The following PDE8B variants were observed in gnomAD, a reference collection of about 807,000 sequenced individuals.
The protein encoded by PDE8B is high affinity cAMP-specific and IBMX-insensitive 3',5'-cyclic phosphodiesterase 8B.
In PDE8B, 26 loss-of-function variants were observed where a neutral mutation model predicts 101.3. That is an observed-to-expected ratio of 0.26 (90% CI 0.19 to 0.36). The LOEUF (loss-of-function observed/expected upper bound fraction) is 0.36, where lower values mean the gene tolerates loss of function less well. Ranked by LOEUF, PDE8B falls within the 10% of genes least tolerant of loss-of-function variation. The probability of loss-of-function intolerance (pLI) is 1.00; values close to 1 mark genes in which losing one functional copy is unlikely to be tolerated. For synonymous variants in PDE8B, 424 were observed against 429.3 expected, an observed-to-expected ratio of 0.99 and a Z score of 0.15; for missense variants, 810 against 1,163.1, an observed-to-expected ratio of 0.70 and a Z score of 4.42.
At chr5:77,116,224 A>AT in the PDE8B span, among the ~76,000 whole-genome samples, 355 of 59,608 alleles carry the variant, frequency 6.0e-3, 11 homozygotes, top group Middle Eastern at 0.02. Context: ...ATATATATAT[A>AT]TTTTTTTTTT....
chr5:77,259,972 G>T (rs575216310), intron 1 of PDE8B, among the ~76,000 whole-genome samples: 6 of 152,118 alleles, frequency 3.9e-5, no homozygotes, highest in Non-Finnish European at 5.9e-5. Flanking sequence ...GACCAGCCTG[G>T]CCAACATGGT....
chr5:77,153,857 G>A, the PDE8B span, among the ~76,000 whole-genome samples: 1 of 152,146 alleles, frequency 6.6e-6, no homozygotes, highest in Non-Finnish European at 1.5e-5. Context: ...TTACAGGCAT[G>A]AGCCACCATG....
intron 1 of PDE8B, among the ~76,000 whole-genome samples, chr5:77,301,834 C>T (rs1402014563): frequency 6.6e-6 from 1 of 152,192 alleles, no homozygotes; most frequent in Non-Finnish European, 1.5e-5. Context: ...TCCTGCACTG[C>T]ATGTACGACA....
chr5:77,265,148 G>A (rs1303732805), intron 1 of PDE8B, among the ~76,000 whole-genome samples: 1 of 152,184 alleles, frequency 6.6e-6, no homozygotes, highest in East Asian at 1.9e-4. Context: ...CATCTGGCTA[G>A]CAGTAGCTCA....
chr5:77,380,729 C>T (rs765279918), intron 10 of PDE8B, among the ~76,000 whole-genome samples: 21 of 152,178 alleles, frequency 1.4e-4, no homozygotes, highest in Non-Finnish European at 2.1e-4. Flanking sequence ...CCTGCCTACA[C>T]AGAACTTATA....
chr5:77,291,366 G>A (rs1170035433), intron 1 of PDE8B: 1 of 1,611,950 alleles, frequency 6.2e-7, no homozygotes, highest in Non-Finnish European at 8.5e-7. Flanking sequence ...AGGTAGCACA[G>A]TGGTCTATGG....
intron 10 of PDE8B, among the ~76,000 whole-genome samples, chr5:77,381,721 A>G (rs1225949812): frequency 6.6e-6 from 1 of 152,164 alleles, no homozygotes; most frequent in Non-Finnish European, 1.5e-5. Flanking sequence ...TTATGTCGCA[A>G]ATGAATTTAA....
chr5:77,287,665 A>C (rs1233896545), intron 1 of PDE8B, among the ~76,000 whole-genome samples: 2 of 151,978 alleles, frequency 1.3e-5, no homozygotes, highest in African/African-American at 4.8e-5. Context: ...GTCTCCCTGC[A>C]CCTTAGTCTG....
At chr5:77,242,006 C>T (rs920451227) in intron 1 of PDE8B, among the ~76,000 whole-genome samples, 2 of 152,184 alleles carry the variant, frequency 1.3e-5, no homozygotes, top group African/African-American at 4.8e-5. Context: ...AAGGTGTATG[C>T]CGATGAGCCT....
At chr5:77,271,521 G>A (rs1355550925) in intron 1 of PDE8B, among the ~76,000 whole-genome samples, 1 of 152,254 alleles carries the variant, frequency 6.6e-6, no homozygotes, top group African/African-American at 2.4e-5. Context: ...GGTAGTGACT[G>A]AAGGTCACTG....
chr5:77,192,615 T>C, the PDE8B span, among the ~76,000 whole-genome samples: 1 of 152,218 alleles, frequency 6.6e-6, no homozygotes, highest in Non-Finnish European at 1.5e-5. Context: ...GGGGCTATTA[T>C]TTTAAAAGCT....
intron 1 of PDE8B, among the ~76,000 whole-genome samples, chr5:77,226,033 A>G (rs1752328162): frequency 6.6e-6 from 1 of 152,178 alleles, no homozygotes; most frequent in South Asian, 2.1e-4. Flanking sequence ...ATAATTGTTT[A>G]AATCAGTTCT....
At chr5:77,193,332 T>C in the PDE8B span, among the ~76,000 whole-genome samples, 1 of 152,218 alleles carries the variant, frequency 6.6e-6, no homozygotes, top group African/African-American at 2.4e-5. Context: ...TTAATATTCA[T>C]GTATGGTGTA....
intron 2 of PDE8B, among the ~76,000 whole-genome samples, chr5:77,319,484 A>G (rs2150183008): frequency 6.6e-6 from 1 of 152,382 alleles, no homozygotes; most frequent in South Asian, 2.1e-4. Flanking sequence ...GAAAGAGGGA[A>G]TGAGCTAACA....
chr5:77,126,619 C>G, the PDE8B span, among the ~76,000 whole-genome samples: 6 of 152,030 alleles, frequency 3.9e-5, no homozygotes, highest in African/African-American at 1.4e-4. Context: ...AGGGTCTCTC[C>G]ATGTTACCTA....
Position 77,286,754 on chromosome 5 carries a change from TC to T in PDE8B, c.340-25239del, listed in dbSNP as rs1197797369. On this transcript the variant is annotated intron_variant, in intron 1 of 21. Coordinates refer to ENST00000264917, the MANE Select transcript of PDE8B (RefSeq NM_003719.5). ...TACTATTTATATTATACCCACCTAT[TC>T]TATTCAGAATGTTTTTCTTATCTTG... 2.6e-5 allele frequency among the ~76,000 whole-genome samples: 4 copies of T among 152,324 alleles called. No individual in the cohort carries two copies. In the East Asian group the frequency reaches 7.7e-4, roughly 29 times the overall value.
intron 5 of PDE8B, among the ~76,000 whole-genome samples, chr5:77,336,022 A>C (rs980399211): frequency 1.3e-5 from 2 of 152,186 alleles, no homozygotes; most frequent in East Asian, 3.9e-4. Flanking sequence ...GGATTAAGTG[A>C]AAAAGGGCCT....
At chr5:77,180,226 G>A in the PDE8B span, among the ~76,000 whole-genome samples, 108 of 152,318 alleles carry the variant, frequency 7.1e-4, no homozygotes, top group South Asian at 1.9e-3. Context: ...CACCCCGGGA[G>A]GGGCGCTAGG....
chr5:77,152,987 A>G, the PDE8B span, among the ~76,000 whole-genome samples: 1 of 152,338 alleles, frequency 6.6e-6, no homozygotes, highest in African/African-American at 2.4e-5. Context: ...GTTCTCAACC[A>G]GAGGTGATTC....
Sources: allele counts gnomAD v4.1 joint callset (sites outside exome capture counted in the v4.1 genomes callset), GRCh38; gene constraint gnomAD v4.1.1; transcripts MANE v1.5; gene names NCBI Gene and HGNC (gene_info 2026-07-23, HGNC 2026-07-21).